ANO10: variants seen among roughly 807,000 people sequenced by gnomAD.
The protein encoded by ANO10 is anoctamin-10.
In ANO10, 77 loss-of-function variants were observed where a neutral mutation model predicts 74.7. That is an observed-to-expected ratio of 1.03 (90% CI 0.86 to 1.25). ANO10 has a LOEUF of 1.25. Among genes scored for constraint, ANO10 ranks in the 50% most tolerant of loss-of-function variants. The probability of loss-of-function intolerance (pLI) is 0.00; values close to 1 mark genes in which losing one functional copy is unlikely to be tolerated. For synonymous variants in ANO10, 279 were observed against 284.9 expected, an observed-to-expected ratio of 0.98 and a Z score of 0.21; for missense variants, 721 against 778.1, an observed-to-expected ratio of 0.93 and a Z score of 0.87.
chr3:43,481,086 C>A (rs2076251908), intron 11 of ANO10, among the ~76,000 whole-genome samples: 1 of 150,990 alleles, frequency 6.6e-6, no homozygotes, highest in African/African-American at 2.4e-5. Flanking sequence ...TAAAAACATT[C>A]ATATTTTATA....
At chr3:43,452,329 T>C (rs1445853995) in intron 11 of ANO10, among the ~76,000 whole-genome samples, 4 of 152,232 alleles carry the variant, frequency 2.6e-5, no homozygotes, top group Non-Finnish European at 5.9e-5. Context: ...TGCCCCTTAA[T>C]GGTCATTTTC....
chr3:43,449,499 G>A (rs1183784892), intron 11 of ANO10, among the ~76,000 whole-genome samples: 1 of 147,026 alleles, frequency 6.8e-6, no homozygotes, highest in Admixed American at 6.9e-5. Flanking sequence ...AAAGGTATAA[G>A]GTCCCTATCT....
chr3:43,672,113 A>G (rs2084066386), intron 1 of ANO10, among the ~76,000 whole-genome samples: 1 of 152,200 alleles, frequency 6.6e-6, no homozygotes, highest in African/African-American at 2.4e-5. Context: ...ATTACTTTCC[A>G]CAAAAGAGTA....
intron 11 of ANO10, among the ~76,000 whole-genome samples, chr3:43,504,300 G>GTAGGTAGATAGATAGATAGATAGATAGA (rs71083075): frequency 7.2e-6 from 1 of 139,724 alleles, no homozygotes; most frequent in Non-Finnish European, 1.5e-5. Flanking sequence ...AGGTAGGTAG[G>GTAGGTAGATAGATAGATAGATAGATAGA]TAGATAGATA....
At chr3:43,538,965 C>T (rs2078838175) in intron 11 of ANO10, among the ~76,000 whole-genome samples, 1 of 152,174 alleles carries the variant, frequency 6.6e-6, no homozygotes, top group Non-Finnish European at 1.5e-5. Flanking sequence ...AAAATGAATA[C>T]TGCAGTCATG....
chr3:43,439,946 GA>G (rs1362009363), intron 11 of ANO10, among the ~76,000 whole-genome samples: 3 of 152,090 alleles, frequency 2.0e-5, no homozygotes, highest in African/African-American at 7.2e-5. Flanking sequence ...TAAACAAGAA[GA>G]TTTTTTTGCA....
chr3:43,685,378 A>G (rs1413308610), intron 1 of ANO10, among the ~76,000 whole-genome samples: 1 of 152,110 alleles, frequency 6.6e-6, no homozygotes, highest in Non-Finnish European at 1.5e-5. Flanking sequence ...ATATACATCT[A>G]CCTCATTTTT....
rs1251215816 is a variant in ANO10 at position 43,621,936 on chromosome 3, G to A, written c.-39C>T. 6.6e-6 allele frequency: 1 copy of A among 152,566 alleles called. No homozygotes were observed. The highest frequency in any genetic ancestry group is 2.4e-5 in the African/African-American group (1 of 41,476). The allele number at this position is 152,566 out of a possible 1,614,324, so 9.5% of individuals were successfully genotyped here. A position where few individuals can be genotyped will look rare whatever the true frequency, so the allele number is the denominator to read the frequency against. Reference sequence around the variant, plus strand: ...GCCGCCGCAGCGCTCCACGTCTTCGGAGGCGGGTCCGAGAGCCGGCGAGAA... The same window carrying A: ...GCCGCCGCAGCGCTCCACGTCTTCGAAGGCGGGTCCGAGAGCCGGCGAGAA... On this transcript the variant is annotated 5_prime_UTR_variant, in exon 1 of 13. Coordinates refer to ENST00000292246, the MANE Select transcript of ANO10 (RefSeq NM_018075.5).
In ANO10 at chr3:43,458,374, T is replaced by C. The variant is rs1185725399; in HGVS notation, c.1798-25647A>G. Reference sequence around the variant, plus strand: ...AGAATCCAGGATACCTGTTTTTTCCTTCTTGGAAGGATGTTTCTAGCAATA... The same window carrying C: ...AGAATCCAGGATACCTGTTTTTTCCCTCTTGGAAGGATGTTTCTAGCAATA... On this transcript the variant is annotated intron_variant, in intron 11 of 12. Transcript: ENST00000292246. Among the ~76,000 whole-genome samples, 3 of 152,200 alleles carry C rather than the reference T, an allele frequency of 2.0e-5. No homozygotes were observed. The South Asian group carries it at 6.2e-4, about 31-fold the overall frequency.
At chr3:43,687,002 GA>G in intron 1 of ANO10, among the ~76,000 whole-genome samples, 1 of 147,882 alleles carries the variant, frequency 6.8e-6, no homozygotes, top group South Asian at 2.3e-4. Flanking sequence ...AAAGTCATGT[GA>G]TTTTTTTTTT....
At chr3:43,442,966 T>C (rs2093183031) in intron 11 of ANO10, among the ~76,000 whole-genome samples, 1 of 152,016 alleles carries the variant, frequency 6.6e-6, no homozygotes, top group South Asian at 2.1e-4. Context: ...TCACAAAATG[T>C]GTGCCTCAAT....
At position 43,545,989 on chromosome 3, in the gene ANO10, A is replaced by G. The variant is rs536110496; in HGVS notation, c.1797+3731T>C. On this transcript the variant is annotated intron_variant, in intron 11 of 12. Transcript: ENST00000292246. ...CCAGATGGCATTCAGCTGAGGTCTCAGCAACACTAGAATAGCATTGGTAAA... is the reference window on the plus strand; with the variant it reads ...CCAGATGGCATTCAGCTGAGGTCTCGGCAACACTAGAATAGCATTGGTAAA... Among the ~76,000 whole-genome samples, 12 of 152,330 alleles carry G rather than the reference A, an allele frequency of 7.9e-5. No individual in the cohort carries two copies. The East Asian group carries it at 2.3e-3, about 29-fold the overall frequency.
At chr3:43,376,259 G>A (rs1419204118) in intron 12 of ANO10, among the ~76,000 whole-genome samples, 1 of 152,222 alleles carries the variant, frequency 6.6e-6, no homozygotes, top group African/African-American at 2.4e-5. Flanking sequence ...AAGAGAAAAA[G>A]CTAGTAACAG....
intron 11 of ANO10, among the ~76,000 whole-genome samples, chr3:43,523,781 T>A (rs977178643): frequency 6.6e-6 from 1 of 152,198 alleles, no homozygotes; most frequent in East Asian, 1.9e-4. Context: ...TGGGCACTGT[T>A]AGGCGTAAAG....
intron 12 of ANO10, among the ~76,000 whole-genome samples, chr3:43,411,368 A>G (rs2092662465): frequency 6.6e-6 from 1 of 152,196 alleles, no homozygotes; most frequent in Non-Finnish European, 1.5e-5. Context: ...TCAAAAGCAG[A>G]TCATCTGATT....
At chr3:43,639,327 C>A (rs901125812) in intron 1 of ANO10, among the ~76,000 whole-genome samples, 1 of 152,184 alleles carries the variant, frequency 6.6e-6, no homozygotes, top group African/African-American at 2.4e-5. Context: ...GATGACTCAG[C>A]CAGTTTGCCC....
intron 3 of ANO10, among the ~76,000 whole-genome samples, chr3:43,599,398 T>C (rs543005370): frequency 2.0e-5 from 3 of 152,298 alleles, no homozygotes; most frequent in African/African-American, 4.8e-5. Context: ...GGGGCCAGTA[T>C]AGAACCAACG....
At chr3:43,404,725 T>TAAA (rs892492354) in intron 12 of ANO10, among the ~76,000 whole-genome samples, 1 of 149,702 alleles carries the variant, frequency 6.7e-6, no homozygotes, top group Non-Finnish European at 1.5e-5. Flanking sequence ...CTACAAAAAA[T>TAAA]AAAAAAAAAT....
intron 4 of ANO10, among the ~76,000 whole-genome samples, chr3:43,588,319 T>C (rs1575491046): frequency 6.6e-6 from 1 of 152,054 alleles, no homozygotes; most frequent in Non-Finnish European, 1.5e-5. Flanking sequence ...AATTAAGTAA[T>C]AGCCTATACT....
Sources: allele counts gnomAD v4.1 joint callset (sites outside exome capture counted in the v4.1 genomes callset), GRCh38; gene constraint gnomAD v4.1.1; transcripts MANE v1.5; gene names NCBI Gene and HGNC (gene_info 2026-07-23, HGNC 2026-07-21).